Variants in AGPAT2 observed in about 807,000 individuals in gnomAD.
AGPAT2 encodes the protein 1-acyl-sn-glycerol-3-phosphate acyltransferase beta.
A neutral mutation model predicts 26.1 loss-of-function variants in AGPAT2; 18 were observed. The ratio of observed to expected loss-of-function variants is 0.69; its 90% CI spans 0.48 to 1.02. The LOEUF is 1.02. Ranked by LOEUF, AGPAT2 falls within the 50% of genes least tolerant of loss-of-function variation. The pLI is 0.00. For synonymous variants in AGPAT2, 200 were observed against 174.2 expected, an observed-to-expected ratio of 1.15 and a Z score of -1.16; for missense variants, 415 against 394.9, an observed-to-expected ratio of 1.05 and a Z score of -0.43.
At chr9:136,675,807 C>T (rs1250780924) in intron 4 of AGPAT2, among the ~76,000 whole-genome samples, 1 of 152,174 alleles carries the variant, frequency 6.6e-6, no homozygotes, top group African/African-American at 2.4e-5. Context: ...GCTCACCCAG[C>T]CCAGCGCCTC....
rs1252060863 is a variant in AGPAT2, at chr9:136,677,016, G to C, written c.437C>G (p.Ser146Cys). The C allele has an allele frequency of 1.2e-6, 2 of 1,611,724 alleles. No individual in the cohort carries two copies. Among genetic ancestry groups the C allele is most frequent in the South Asian group, 1.1e-5 (1 of 91,030 alleles). Residue 146 changes from serine (S) to cysteine (C), a missense_variant, in exon 3 of 6, where the codon TCT (serine) becomes TGT (cysteine). Transcript: ENST00000371696. ...GGCCATCACTGTCATGGCAGTGCTA[G>C]AGCGCTGCCGGTTGATGAAGAAGAC... The part of the protein sequence containing the change: ...GGVFFINRQR[S>C]STAMTVMADL...
chr9:136,677,524 T>C lies in AGPAT2; in HGVS notation c.215A>G (p.Tyr72Cys), dbSNP rs760946018. 1.9e-6 allele frequency: 3 copies of C among 1,612,858 alleles called. No homozygotes were observed. Among genetic ancestry groups the C allele is most frequent in the Non-Finnish European group, 2.5e-6 (3 of 1,179,936 alleles). ...CACCTCGAAGCGGAGCCCGTAAAAG[T>C]ACTTGAAGCTTCGCACGAACCAGCC... ...IIGWFVRSFK[Y>C]FYGLRFEVRD... The change falls in exon 2 of 6, where the codon TAC (tyrosine) becomes TGC (cysteine). Residue 72 changes from tyrosine (Y) to cysteine (C), a missense_variant. Physicochemically the swap from Tyr to Cys is radical, Grantham distance 194. Transcript: ENST00000371696.
intron 1 of AGPAT2, among the ~76,000 whole-genome samples, chr9:136,684,152 C>T (rs1442109607): frequency 4.6e-5 from 7 of 152,190 alleles, no homozygotes; most frequent in Non-Finnish European, 1.0e-4. Context: ...TCAAAGGAGC[C>T]GGAAACTAAC....
Position 136,687,375 on chromosome 9 carries a change from G to C in AGPAT2, c.-18C>G, listed in dbSNP as rs369999417. ...AGCTCCATGGCCCGGCCCGGCGCCC[G>C]ACGGCGCCGCCAGCTCGCTCCCGCT... On this transcript the variant is annotated 5_prime_UTR_variant, in exon 1 of 6. Coordinates refer to ENST00000371696, the MANE Select transcript of AGPAT2 (RefSeq NM_006412.4). 1.6e-4 allele frequency: 236 copies of C among 1,444,152 alleles called. No individual in the cohort carries two copies. Among genetic ancestry groups the C allele is most frequent in the East Asian group, 8.3e-4 (28 of 33,772 alleles). 89.5% of individuals were successfully genotyped at this position (1,444,152 alleles called of 1,614,324 possible). A position where few individuals can be genotyped will look rare whatever the true frequency, so the allele number is the denominator to read the frequency against.
intron 1 of AGPAT2, among the ~76,000 whole-genome samples, chr9:136,683,052 G>A (rs1846181110): frequency 6.7e-6 from 1 of 148,356 alleles, no homozygotes; most frequent in Non-Finnish European, 1.5e-5. Context: ...GGCTGTGATG[G>A]GGATGACTAG....
intron 1 of AGPAT2, among the ~76,000 whole-genome samples, chr9:136,683,318 C>T (rs899948008): frequency 6.6e-6 from 1 of 152,184 alleles, no homozygotes; most frequent in Non-Finnish European, 1.5e-5. Flanking sequence ...AGCTGGGAGG[C>T]GGTTCTAGGT....
chr9:136,679,680 C>G (rs979126677), intron 1 of AGPAT2, among the ~76,000 whole-genome samples: 2 of 152,214 alleles, frequency 1.3e-5, no homozygotes, highest in African/African-American at 4.8e-5. Flanking sequence ...GCAAGACGGC[C>G]GTGTCGCCAA....
chr9:136,679,396 G>A (rs966216844), intron 1 of AGPAT2, among the ~76,000 whole-genome samples: 3 of 152,176 alleles, frequency 2.0e-5, no homozygotes, highest in East Asian at 1.9e-4. Context: ...CCAGCCGTCC[G>A]TCCCTGGACT....
rs773234489 is a variant in AGPAT2, at chr9:136,674,802, G to A, written c.594C>T (p.Pro198=). ...AGGAAGAGTACACCACGGGGACGAT[G>A]GGCACCTGCAGGCAGGGAGACGCAC... ...AFYLAVQAQV[P]IVPVVYSSFS... Residue 198 remains proline, a synonymous_variant, in exon 5 of 6, where the codon CCC becomes CCT. Coordinates refer to ENST00000371696, the MANE Select transcript of AGPAT2 (RefSeq NM_006412.4). 5 of 1,548,204 alleles carry A rather than the reference G, an allele frequency of 3.2e-6. No homozygotes were observed. Among genetic ancestry groups the A allele is most frequent in the East Asian group, 2.5e-5 (1 of 40,450 alleles).
intron 5 of AGPAT2, among the ~76,000 whole-genome samples, chr9:136,674,160 T>C (rs955489721): frequency 2.6e-5 from 4 of 152,060 alleles, no homozygotes; most frequent in African/African-American, 7.2e-5. Context: ...AAGTCTGCGC[T>C]CCCCTGTTAC....
intron 1 of AGPAT2, among the ~76,000 whole-genome samples, chr9:136,679,452 A>G (rs921612874): frequency 6.6e-6 from 1 of 152,050 alleles, no homozygotes; most frequent in Non-Finnish European, 1.5e-5. Flanking sequence ...AGCCAACTCT[A>G]GATATCTCCT....
intron 1 of AGPAT2, among the ~76,000 whole-genome samples, chr9:136,683,285 T>TC (rs1224369744): frequency 5.5e-4 from 84 of 151,964 alleles, no homozygotes; most frequent in African/African-American, 2.0e-3. Flanking sequence ...AAGCCCCCAA[T>TC]CCCACCAGCA....
Position 136,676,970 on chromosome 9 carries a change from G to T in AGPAT2, c.483C>A (p.Val161=), listed in dbSNP as rs370441324. The change falls in exon 3 of 6, where the codon GTC becomes GTA. Residue 161 remains valine (V), a synonymous_variant. Coordinates refer to ENST00000371696, the MANE Select transcript of AGPAT2 (RefSeq NM_006412.4). ...GGCCCTGCACACTCACGTTCTCCCT[G>T]ACCATGCGCTCGCCCAGGTCGGCCA... is the stretch of plus-strand genomic sequence containing the variant. The part of the protein sequence containing the change: ...TVMADLGERM[V]RENLKVWIYP... 2 of 1,584,942 alleles carry T rather than the reference G, an allele frequency of 1.3e-6. No homozygotes were observed. Among genetic ancestry groups the T allele is most frequent in the South Asian group, 2.2e-5 (2 of 90,654 alleles).
chr9:136,682,156 C>T (rs1036510428), intron 1 of AGPAT2, among the ~76,000 whole-genome samples: 3 of 152,192 alleles, frequency 2.0e-5, no homozygotes, highest in Admixed American at 6.5e-5. Flanking sequence ...CTGGCAGAGT[C>T]GTGCTGGGGC....
At chr9:136,684,401 G>T (rs910203043) in intron 1 of AGPAT2, among the ~76,000 whole-genome samples, 1 of 152,176 alleles carries the variant, frequency 6.6e-6, no homozygotes, top group Admixed American at 6.5e-5. Context: ...AAGGGCTCAG[G>T]GGACACCCCC....
chr9:136,687,325 C>T lies in AGPAT2; in HGVS notation c.33G>A (p.Leu11=). 1.3e-6 allele frequency: 2 copies of T among 1,565,430 alleles called. No homozygotes were observed. Among genetic ancestry groups the T allele is most frequent in the Non-Finnish European group, 8.6e-7 (1 of 1,162,634 alleles). MELWPCLAAA[L]LLLLLLVQLS... Reference sequence around the variant, plus strand: ...GCTGCACCAGCAGCAGCAGCAACAGCAGCGCCGCGGCCAGACACGGCCACA... The same window carrying T: ...GCTGCACCAGCAGCAGCAGCAACAGTAGCGCCGCGGCCAGACACGGCCACA... Residue 11 remains leucine, a synonymous_variant, in exon 1 of 6, where the codon CTG becomes CTA. Coordinates refer to ENST00000371696, the MANE Select transcript of AGPAT2 (RefSeq NM_006412.4).
rs116039039 is a variant in AGPAT2, at chr9:136,675,602, C to A, written c.589-795G>T. On this transcript the variant is annotated intron_variant, in intron 4 of 5. Coordinates refer to ENST00000371696, the MANE Select transcript of AGPAT2 (RefSeq NM_006412.4). ...GTAGGCTGGGGACCGGGAGCAGGGA[C>A]GGAAAAGCTGTGGGTCTCCTGGCTG... Among the ~76,000 whole-genome samples the A allele has an allele frequency of 9.8e-3, 1,458 of 148,210 alleles. 21 individuals are homozygous for A. Among genetic ancestry groups the A allele is most frequent in the African/African-American group, 0.035 (1,397 of 40,304 alleles).
intron 1 of AGPAT2, among the ~76,000 whole-genome samples, chr9:136,684,289 C>A (rs1179689663): frequency 1.3e-5 from 2 of 152,216 alleles, no homozygotes; most frequent in Admixed American, 6.5e-5. Flanking sequence ...GGACACGGAG[C>A]CGCTCTGGGC....
rs913056553 is a variant in AGPAT2, at chr9:136,673,227, C to G, written c.*525G>C. ...GAGTCTTCCAGGCCAGCAGGAGCAG[C>G]AGGCCCCGATTCCCGGCTCCCTGTG... On this transcript the variant is annotated 3_prime_UTR_variant, in exon 6 of 6. Transcript: ENST00000371696. 14 of 152,914 alleles carry G rather than the reference C, an allele frequency of 9.2e-5. No homozygotes were observed. Among genetic ancestry groups the G allele is most frequent in the Non-Finnish European group, 1.8e-4 (12 of 68,540 alleles). The allele number at this position is 152,914 out of a possible 1,614,324, so 9.5% of individuals were successfully genotyped here.
Sources: gnomAD v4.1 joint callset for allele counts (sites outside exome capture counted in the v4.1 genomes callset) on GRCh38, gnomAD v4.1.1 for gene constraint, MANE v1.5 for transcripts, NCBI Gene and HGNC (gene_info 2026-07-23, HGNC 2026-07-21) for gene names.